KCTD1: variants seen among roughly 807,000 people sequenced by gnomAD.
KCTD1 encodes potassium channel tetramerization domain containing 1.
Under a neutral mutation model 66.0 loss-of-function variants are expected in KCTD1, and 24 were observed. The observed-to-expected ratio is 0.36, with a 90% CI of 0.26 to 0.51. The LOEUF is 0.51. KCTD1 is among the 20% of genes least tolerant of loss of function. KCTD1 has a pLI of 0.95. For missense variants in KCTD1, 943 were observed against 1,205.2 expected, an observed-to-expected ratio of 0.78 and a Z score of 3.22; for synonymous variants, 511 against 517.2, an observed-to-expected ratio of 0.99 and a Z score of 0.16.
chr18:26,538,063 A>G (rs532279211), intron 1 of KCTD1, among the ~76,000 whole-genome samples: 3 of 152,212 alleles, frequency 2.0e-5, no homozygotes, highest in East Asian at 3.9e-4. Context: ...CCTGGCCAAC[A>G]TGGTGAAACG....
intron 1 of KCTD1, among the ~76,000 whole-genome samples, chr18:26,620,101 T>C (rs1441767021): frequency 6.6e-6 from 1 of 152,122 alleles, no homozygotes; most frequent in East Asian, 1.9e-4. Context: ...TGAGGGGTTT[T>C]TGTTTGTTTT....
At chr18:26,593,360 A>AGAGGAGGAGGAGGAG (rs551663896) in intron 1 of KCTD1, among the ~76,000 whole-genome samples, 2 of 88,688 alleles carry the variant, frequency 2.3e-5, no homozygotes, top group Non-Finnish European at 4.6e-5. Context: ...AGGAGGAGGA[A>AGAGGAGGAGGAGGAG]GAGGAGGAGG....
chr18:26,495,400 G>T (rs540318028), intron 2 of KCTD1, among the ~76,000 whole-genome samples: 1 of 152,124 alleles, frequency 6.6e-6, no homozygotes, highest in Non-Finnish European at 1.5e-5. Flanking sequence ...AAGCAATCCG[G>T]TAATGGCTAA....
At chr18:26,548,732 G>C, upstream of KCTD1, 3 of 718,804 alleles carry the variant, frequency 4.2e-6, no homozygotes, top group Non-Finnish European at 3.5e-6. Flanking sequence ...GGAGGGGGGA[G>C]GGGGGGACAA....
At position 26,562,383 on chromosome 18, in the gene KCTD1, C is replaced by T. The variant is rs571953171; in HGVS notation, c.-15-61133G>A. 1.8e-4 allele frequency among the ~76,000 whole-genome samples: 26 copies of T among 146,148 alleles called. No homozygotes were observed. The South Asian group carries it at 5.6e-3, about 31-fold the overall frequency. ...AGCAGCTGGAATTACGGGCACACAT[C>T]ACCATGCTCGGCTAATTTTTATTTT... On this transcript the variant is annotated intron_variant, in intron 1 of 4. Transcript: ENST00000317932.
intron 1 of KCTD1, among the ~76,000 whole-genome samples, chr18:26,525,495 A>T (rs533403359): frequency 6.3e-4 from 96 of 152,118 alleles, no homozygotes; most frequent in Non-Finnish European, 6.0e-4. Flanking sequence ...GTCAAACTGA[A>T]CTAACTTGGT....
chr18:26,521,752 A>G (rs1567978632), intron 1 of KCTD1, among the ~76,000 whole-genome samples: 1 of 152,204 alleles, frequency 6.6e-6, no homozygotes, highest in Admixed American at 6.5e-5. Flanking sequence ...GAACCTCTAG[A>G]AAAGGTACAG....
intron 1 of KCTD1, among the ~76,000 whole-genome samples, chr18:26,540,754 C>T (rs1203380819): frequency 6.6e-6 from 1 of 152,214 alleles, no homozygotes; most frequent in Non-Finnish European, 1.5e-5. Context: ...ACATAAAGCA[C>T]ACAAAATATG....
Position 26,547,949 on chromosome 18 carries a change from G to C in KCTD1, c.588C>G (p.Phe196Leu), listed in dbSNP as rs1567989378. The change falls in exon 1 of 5, where the codon TTC (phenylalanine) becomes TTG (leucine). Residue 196 changes from phenylalanine to leucine, a missense_variant. By Grantham distance (22) the Phe-to-Leu change is conservative. Around this residue, in one of 10 missense-constraint regions of KCTD1, gnomAD observed 96 missense variants for 132.5 expected, o/e 0.72. Transcript: ENST00000580059. ...YLSEKAQSPD[F>L]ETMDKGALCR... ...ACAGCGCCCCCTTGTCCATGGTCTCGAAGTCCGGGCTCTGCGCCTTCTCGC... is the reference window on the plus strand; with the variant it reads ...ACAGCGCCCCCTTGTCCATGGTCTCCAAGTCCGGGCTCTGCGCCTTCTCGC... 6.5e-7 allele frequency: 1 copy of C among 1,542,896 alleles called. No individual in the cohort carries two copies. Among genetic ancestry groups the C allele is most frequent in the Non-Finnish European group, 8.7e-7 (1 of 1,146,670 alleles).
intron 1 of KCTD1, among the ~76,000 whole-genome samples, chr18:26,589,050 C>T (rs912824503): frequency 1.3e-5 from 2 of 152,158 alleles, no homozygotes; most frequent in Non-Finnish European, 2.9e-5. Flanking sequence ...TCTAAGGATC[C>T]CTCTCCTAGG....
chr18:26,610,390 G>C (rs931250719), intron 1 of KCTD1, among the ~76,000 whole-genome samples: 2 of 152,088 alleles, frequency 1.3e-5, no homozygotes, highest in East Asian at 1.9e-4. Context: ...CTGGGTAACC[G>C]TGTGAGACCC....
upstream of KCTD1, among the ~76,000 whole-genome samples, chr18:26,550,354 A>G (rs901062105): frequency 1.3e-5 from 2 of 151,796 alleles, no homozygotes; most frequent in Non-Finnish European, 2.9e-5. This position sits in a 1 kb window ranked among gnomAD's most constrained non-coding sequence, Gnocchi z 5.4. Flanking sequence ...TTTAAGAAAG[A>G]ATGAAAGACC....
chr18:26,474,658 T>G (rs1981245486), intron 3 of KCTD1, among the ~76,000 whole-genome samples: 2 of 152,236 alleles, frequency 1.3e-5, no homozygotes, highest in South Asian at 4.1e-4. Context: ...TGTATGTTTC[T>G]CATAGATTTT....
intron 1 of KCTD1, among the ~76,000 whole-genome samples, chr18:26,593,883 A>ACGG (rs1986704804): frequency 1.1e-5 from 1 of 94,260 alleles, no homozygotes; most frequent in Non-Finnish European, 2.4e-5. Context: ...AGAGGAAGAT[A>ACGG]AGGAGGAGGA....
chr18:26,497,476 T>C (rs939816053), intron 2 of KCTD1, among the ~76,000 whole-genome samples: 24 of 152,150 alleles, frequency 1.6e-4, no homozygotes, highest in Non-Finnish European at 5.9e-5. Flanking sequence ...GAGGGGTTGA[T>C]AATATGCAAG....
intron 1 of KCTD1, among the ~76,000 whole-genome samples, chr18:26,613,595 G>C (rs1000916115): frequency 1.3e-5 from 2 of 152,146 alleles, no homozygotes; most frequent in African/African-American, 2.4e-5. Flanking sequence ...TACTGCTAAA[G>C]TGTCCACAGA....
chr18:26,546,316 G>A (rs1455284341), intron 1 of KCTD1, among the ~76,000 whole-genome samples: 4 of 151,638 alleles, frequency 2.6e-5, no homozygotes, highest in African/African-American at 7.3e-5. Flanking sequence ...AGGTCATGGC[G>A]AATACGTAAT....
intron 1 of KCTD1, among the ~76,000 whole-genome samples, chr18:26,541,680 C>T (rs1297613649): frequency 6.6e-6 from 1 of 152,166 alleles, no homozygotes; most frequent in Admixed American, 6.5e-5. Flanking sequence ...GTTCAGCTTC[C>T]TGTAGTGCTA....
chr18:26,547,524 A>G lies in KCTD1; in HGVS notation c.1013T>C (p.Met338Thr). The change falls in exon 1 of 5, where the codon ATG (methionine) becomes ACG (threonine). Residue 338 changes from methionine (M) to threonine (T), a missense_variant. Met to Thr is a moderately conservative substitution (Grantham distance 81). Coordinates refer to ENST00000580059, the MANE Select transcript of KCTD1 (RefSeq NM_001142730.3). The stretch of plus-strand genomic sequence containing the variant: ...GACGAACTTGCGACCGTCCTCGTCC[A>G]TGGCCAGCCCAAAAGAGTCCTCCTC... The part of the protein sequence containing the change: ...ELEEDSFGLA[M>T]DEDGRKFVYF... The G allele has an allele frequency of 6.4e-7, 1 of 1,551,576 alleles. No homozygotes were observed.
Sources: gnomAD v4.1 joint callset for allele counts (sites outside exome capture counted in the v4.1 genomes callset) on GRCh38, gnomAD v4.1.1 for gene constraint, gnomAD v4.1.1 regional missense constraint, Gnocchi (gnomAD v3.1) non-coding constraint, MANE v1.5 for transcripts, NCBI Gene and HGNC (gene_info 2026-07-23, HGNC 2026-07-21) for gene names.